WNK1: variants seen among roughly 807,000 people sequenced by gnomAD.
The protein encoded by WNK1 is WNK lysine deficient protein kinase 1.
WNK1 carries 38 observed loss-of-function variants against 222.8 expected under a neutral mutation model. That is an observed-to-expected ratio of 0.17 (90% CI 0.13 to 0.22). The LOEUF (loss-of-function observed/expected upper bound fraction) is 0.22, where lower values mean the gene tolerates loss of function less well. WNK1 is among the 10% of genes least tolerant of loss of function. The probability of loss-of-function intolerance (pLI) is 1.00; values close to 1 mark genes in which losing one functional copy is unlikely to be tolerated. For missense variants in WNK1, 2,348 were observed against 2,918.4 expected (o/e 0.80, Z 4.50); for synonymous variants, 1,090 against 1,092.9 (o/e 1.00, Z 0.05).
intron 4 of WNK1, among the ~76,000 whole-genome samples, chr12:835,773 T>C (rs1452692249): frequency 6.6e-6 from 1 of 152,094 alleles, no homozygotes; most frequent in Admixed American, 6.5e-5. Flanking sequence ...GCCAACATGG[T>C]GAAACCCCAG....
chr12:903,788 A>T (rs1024074005), intron 26 of WNK1, among the ~76,000 whole-genome samples: 3 of 152,188 alleles, frequency 2.0e-5, no homozygotes, highest in African/African-American at 7.2e-5. Flanking sequence ...TACTTGAAAG[A>T]GTAGGGCACC....
rs1473279326 is a variant in WNK1 at position 764,784 on chromosome 12, A to AT, written c.759+10461dup. Among the ~76,000 whole-genome samples, 3 of 147,208 alleles carry AT rather than the reference A, an allele frequency of 2.0e-5. No homozygotes were observed. The East Asian group carries it at 5.8e-4, about 29-fold the overall frequency. On this transcript the variant is annotated intron_variant, in intron 1 of 27. Coordinates refer to ENST00000315939, the MANE Select transcript of WNK1 (RefSeq NM_018979.4). Reference sequence around the variant, plus strand: ...GGTTGAATAAGAGAGAAGCACATAAATACATGTAAGTCACTGGTAATGCCC... The same window carrying AT: ...GGTTGAATAAGAGAGAAGCACATAAATTACATGTAAGTCACTGGTAATGCCC...
chr12:898,259 C>T (rs1053333794), intron 25 of WNK1, among the ~76,000 whole-genome samples: 1 of 151,906 alleles, frequency 6.6e-6, no homozygotes, highest in Non-Finnish European at 1.5e-5. Flanking sequence ...CTGAGGCAGG[C>T]AGATCACGAG....
At chr12:821,620 G>A (rs142177905) in intron 2 of WNK1, among the ~76,000 whole-genome samples, 3 of 152,202 alleles carry the variant, frequency 2.0e-5, no homozygotes, top group Admixed American at 6.5e-5. Flanking sequence ...TGTTTTATCC[G>A]TTATTGAAAG....
chr12:891,602 CT>C lies in WNK1; in HGVS notation c.5509+1106del, dbSNP rs71441624. On this transcript the variant is annotated intron_variant, in intron 22 of 27. Transcript: ENST00000315939. The stretch of plus-strand genomic sequence containing the variant: ...ATGAAATCATAAGGGGATTTTTTTT[CT>C]TTTTTTTTTTTTTTTTAGTTTTTTA... 2.7e-3 allele frequency among the ~76,000 whole-genome samples: 335 copies of C among 125,978 alleles called. 1 individual carries two copies. Among genetic ancestry groups the C allele is most frequent in the East Asian group, 6.7e-3 (30 of 4,452 alleles). 82.6% of individuals were successfully genotyped at this position (125,978 alleles called of 152,430 possible).
At chr12:779,842 C>A (rs1040924021) in intron 1 of WNK1, among the ~76,000 whole-genome samples, 1 of 152,016 alleles carries the variant, frequency 6.6e-6, no homozygotes, top group Non-Finnish European at 1.5e-5. Flanking sequence ...TCTGTGGATG[C>A]GAAGAACTCT....
intron 1 of WNK1, among the ~76,000 whole-genome samples, chr12:801,423 TTGTGTGTGTGTG>T (rs367875366): frequency 7.4e-4 from 107 of 143,924 alleles, no homozygotes; most frequent in South Asian, 1.6e-3. Context: ...CTTTTTTTCT[TTGTGTGTGTGTG>T]TGTGTGTGTG....
Position 885,213 on chromosome 12 carries a change from A to G in WNK1, c.4409A>G (p.Lys1470Arg), listed in dbSNP as rs758241726. Residue 1470 changes from lysine (K) to arginine (R), a missense_variant, in exon 19 of 28, where the codon AAG becomes AGG. Transcript: ENST00000315939. ...GGCAGTACTGCTACCCCAGGTCCTAAGCCTCCAGCTGTAGTATCTCAGCAG... is the reference window on the plus strand; with the variant it reads ...GGCAGTACTGCTACCCCAGGTCCTAGGCCTCCAGCTGTAGTATCTCAGCAG... The part of the protein sequence containing the change: ...AGGSTATPGP[K>R]PPAVVSQQAA... 1.2e-6 allele frequency: 2 copies of G among 1,614,148 alleles called. No individual in the cohort carries two copies. Among genetic ancestry groups the G allele is most frequent in the Non-Finnish European group, 8.5e-7 (1 of 1,180,030 alleles).
In WNK1 at chr12:759,589, A is replaced by G. The variant is rs532475169; in HGVS notation, c.759+5265A>G. Among the ~76,000 whole-genome samples, 101 of 147,964 alleles carry G rather than the reference A, an allele frequency of 6.8e-4. 8 individuals carry two copies. Among genetic ancestry groups the G allele is most frequent in the South Asian group, 2.9e-3 (13 of 4,518 alleles). ...CGTGATCTGCCCGCCTTGGCCTCCC[A>G]AAGTCCTGGGATTACAGGCTTGAGC... is the stretch of plus-strand genomic sequence containing the variant. On this transcript the variant is annotated intron_variant, in intron 1 of 27. Transcript: ENST00000315939.
At position 851,370 on chromosome 12, in the gene WNK1, A is replaced by G. The variant is rs72648647; in HGVS notation, c.1312-5791A>G. ...GGTCCAGGAGATAGAAACTGTGCGC[A>G]AAGTAGGTGGAGCATTGAGCAAGTA... On this transcript the variant is annotated intron_variant, in intron 4 of 27. Coordinates refer to ENST00000315939, the MANE Select transcript of WNK1 (RefSeq NM_018979.4). 198 of 1,062,442 alleles carry G rather than the reference A, an allele frequency of 1.9e-4. No individual in the cohort carries two copies. The African/African-American group carries it at 3.1e-3, about 17-fold the overall frequency. The allele number at this position is 1,062,442 out of a possible 1,614,324, so 65.8% of individuals were successfully genotyped here.
intron 4 of WNK1, among the ~76,000 whole-genome samples, chr12:848,886 G>A (rs139353496): frequency 1.0e-3 from 155 of 152,162 alleles, no homozygotes; most frequent in African/African-American, 3.5e-3. Flanking sequence ...TGCCTACATC[G>A]TACCTTTGTC....
intron 25 of WNK1, among the ~76,000 whole-genome samples, chr12:900,108 C>A (rs1345962325): frequency 6.7e-6 from 1 of 149,036 alleles, no homozygotes; most frequent in African/African-American, 2.5e-5. Flanking sequence ...TCCTCAGCCT[C>A]CTGAGTAGCT....
Position 909,049 on chromosome 12 carries a change from A to G in WNK1, c.*257A>G, listed in dbSNP as rs1212870164. On this transcript the variant is annotated 3_prime_UTR_variant, in exon 28 of 28. Transcript: ENST00000315939. ...AGCTTCAGACCATGCTTTCCTGTTT[A>G]TCTATACTCAGTAATGAGGATGAGG... 1 of 511,940 alleles carries G rather than the reference A, an allele frequency of 2.0e-6. No homozygotes were observed. The highest frequency in any genetic ancestry group is 3.6e-6 in the Non-Finnish European group (1 of 281,662). The allele number at this position is 511,940 out of a possible 1,614,324, so 31.7% of individuals were successfully genotyped here. A position where few individuals can be genotyped will look rare whatever the true frequency, so the allele number is the denominator to read the frequency against.
At chr12:828,741 C>G (rs969795382) in intron 3 of WNK1, among the ~76,000 whole-genome samples, 1 of 152,098 alleles carries the variant, frequency 6.6e-6, no homozygotes, top group Non-Finnish European at 1.5e-5. Context: ...TAATTTAATG[C>G]CTATTTTGAT....
At position 880,002 on chromosome 12, in the gene WNK1, C is replaced by T. The variant is rs772112752; in HGVS notation, c.2803C>T (p.Pro935Ser). 1.2e-6 allele frequency: 2 copies of T among 1,614,150 alleles called. No individual in the cohort carries two copies. The highest frequency in any genetic ancestry group is 1.1e-5 in the South Asian group (1 of 91,076). The change falls in exon 11 of 28, where the codon CCA (proline) becomes TCA (serine). Residue 935 changes from proline to serine, a missense_variant. By Grantham distance (74) the Pro-to-Ser change is moderately conservative. Transcript: ENST00000315939. ...PANLGQAAEVPLSSGDVLYQG... is the reference protein window; with the variant it reads ...PANLGQAAEVSLSSGDVLYQG... ...TAACCTTGGACAAGCTGCTGAGGTT[C>T]CACTTTCCTCTGGAGATGTTCTGTA...
At chr12:757,835 A>C (rs1940371386) in intron 1 of WNK1, among the ~76,000 whole-genome samples, 1 of 146,868 alleles carries the variant, frequency 6.8e-6, no homozygotes, top group African/African-American at 2.4e-5. Flanking sequence ...CAGGAGTTCG[A>C]GAACAGCCTG....
chr12:824,118 G>C (rs1330611119), intron 2 of WNK1, among the ~76,000 whole-genome samples: 2 of 151,646 alleles, frequency 1.3e-5, no homozygotes, highest in African/African-American at 4.8e-5. Flanking sequence ...TATTGGTCAG[G>C]CTGGTCTTGA....
intron 8 of WNK1, chr12:867,950 G>GT: frequency 6.2e-7 from 1 of 1,613,982 alleles, no homozygotes; most frequent in Non-Finnish European, 8.5e-7. Context: ...TGAACGTCCA[G>GT]TTTCTTTTTC....
chr12:766,778 A>G (rs1941755496), intron 1 of WNK1, among the ~76,000 whole-genome samples: 1 of 142,172 alleles, frequency 7.0e-6, no homozygotes, highest in Non-Finnish European at 1.5e-5. Context: ...CACCCGGCTT[A>G]TTTTATTATT....
Sources: allele counts gnomAD v4.1 joint callset (sites outside exome capture counted in the v4.1 genomes callset), GRCh38; gene constraint gnomAD v4.1.1; transcripts MANE v1.5; gene names NCBI Gene and HGNC (gene_info 2026-07-23, HGNC 2026-07-21).